The following ADGRB3 variants were observed in gnomAD, a reference collection of about 807,000 sequenced individuals.
ADGRB3 encodes the protein brain-specific angiogenesis inhibitor 3.
ADGRB3 carries 37 observed loss-of-function variants against 193.4 expected under a neutral mutation model. That is an observed-to-expected ratio of 0.19 (90% CI 0.15 to 0.25). ADGRB3 has a LOEUF of 0.25. ADGRB3 is among the 10% of genes least tolerant of loss of function. The probability of loss-of-function intolerance (pLI) is 1.00; values close to 1 mark genes in which losing one functional copy is unlikely to be tolerated. For missense variants in ADGRB3, 1,637 were observed against 1,852.9 expected (o/e 0.88, Z 2.14); for synonymous variants, 690 against 644.2 (o/e 1.07, Z -1.08).
At chr6:68,763,271 G>A (rs1323657476) in intron 3 of ADGRB3, among the ~76,000 whole-genome samples, 1 of 151,994 alleles carries the variant, frequency 6.6e-6, no homozygotes, top group Non-Finnish European at 1.5e-5. Flanking sequence ...TTATATTTTT[G>A]TAGAGATGAG....
At chr6:68,773,373 A>T (rs924040427) in intron 3 of ADGRB3, among the ~76,000 whole-genome samples, 17 of 152,108 alleles carry the variant, frequency 1.1e-4, no homozygotes, top group Admixed American at 9.2e-4. Context: ...AGTCCTAAAG[A>T]GCCCCAACTA....
In ADGRB3 at chr6:69,101,116, C is replaced by T. The variant is rs182664253; in HGVS notation, c.2480+25078C>T. 1.2e-3 allele frequency among the ~76,000 whole-genome samples: 185 copies of T among 151,954 alleles called. 1 individual carries two copies. Among genetic ancestry groups the T allele is most frequent in the Middle Eastern group, 6.8e-3 (2 of 294 alleles). ...CTACATTTTCCCCAGATTAAGAACA[C>T]TTAACCTTACCACTCTTTAGTGGTT... On this transcript the variant is annotated intron_variant, in intron 17 of 31. Coordinates refer to ENST00000370598, the MANE Select transcript of ADGRB3 (RefSeq NM_001704.3).
intron 3 of ADGRB3, among the ~76,000 whole-genome samples, chr6:68,693,647 C>T (rs1765113273): frequency 6.6e-6 from 1 of 151,890 alleles, no homozygotes; most frequent in Non-Finnish European, 1.5e-5. Flanking sequence ...TCTTGTATGT[C>T]CCTGTAATTC....
rs551045173 is a variant in ADGRB3, at chr6:69,014,415, A to G, written c.1998+309A>G. Among the ~76,000 whole-genome samples, 3 of 152,048 alleles carry G rather than the reference A, an allele frequency of 2.0e-5. No individual in the cohort carries two copies. In the East Asian group the frequency reaches 5.8e-4, roughly 30 times the overall value. ...AGACCATGGGAAAAACAGCACATCT[A>G]AAAGTACATATTTCAAATGAAAGTA... On this transcript the variant is annotated intron_variant, in intron 12 of 31. Coordinates refer to ENST00000370598, the MANE Select transcript of ADGRB3 (RefSeq NM_001704.3).
intron 3 of ADGRB3, among the ~76,000 whole-genome samples, chr6:68,666,399 TCCCATTTA>T: frequency 6.6e-6 from 1 of 152,004 alleles, no homozygotes; most frequent in Admixed American, 6.6e-5. Flanking sequence ...ATGTGACTGT[TCCCATTTA>T]GAAGAGAGTT....
rs1467914835 is a variant in ADGRB3 at position 68,742,804 on chromosome 6, A to G, written c.757+103372A>G. Among the ~76,000 whole-genome samples, 3 of 152,140 alleles carry G rather than the reference A, an allele frequency of 2.0e-5. No individual in the cohort carries two copies. The East Asian group carries it at 5.8e-4, about 29-fold the overall frequency. On this transcript the variant is annotated intron_variant, in intron 3 of 31. Coordinates refer to ENST00000370598, the MANE Select transcript of ADGRB3 (RefSeq NM_001704.3). Reference sequence around the variant, plus strand: ...ATTGTTTTTCCTCAAAAAGGAAAATAAACTAAATGGTGTGAACATTAAAAC... The same window carrying G: ...ATTGTTTTTCCTCAAAAAGGAAAATGAACTAAATGGTGTGAACATTAAAAC...
intron 3 of ADGRB3, among the ~76,000 whole-genome samples, chr6:68,754,754 C>T (rs1766267490): frequency 6.6e-6 from 1 of 150,506 alleles, no homozygotes; most frequent in Non-Finnish European, 1.5e-5. Context: ...AAAAAAACAG[C>T]ATTAGAAAGG....
At chr6:69,219,536 CAT>C (rs1292932220) in intron 17 of ADGRB3, among the ~76,000 whole-genome samples, 1 of 123,302 alleles carries the variant, frequency 8.1e-6, no homozygotes, top group Non-Finnish European at 1.8e-5. Context: ...TACATATATA[CAT>C]GTGTATATAT....
intron 10 of ADGRB3, among the ~76,000 whole-genome samples, chr6:68,983,218 T>C (rs1399490682): frequency 6.6e-6 from 1 of 151,910 alleles, no homozygotes; most frequent in Non-Finnish European, 1.5e-5. Flanking sequence ...AAATATACTT[T>C]TTTTCTATTT....
At chr6:69,041,537 C>T (rs1771071692) in intron 13 of ADGRB3, among the ~76,000 whole-genome samples, 1 of 152,036 alleles carries the variant, frequency 6.6e-6, no homozygotes, top group Non-Finnish European at 1.5e-5. Context: ...CCACACAGTG[C>T]AAAATCACAG....
chr6:69,218,003 T>C (rs1721466354), intron 17 of ADGRB3, among the ~76,000 whole-genome samples: 1 of 146,730 alleles, frequency 6.8e-6, no homozygotes, highest in South Asian at 2.1e-4. Flanking sequence ...TCTTGAGATA[T>C]ACATATTTTT....
intron 20 of ADGRB3, among the ~76,000 whole-genome samples, chr6:69,261,158 C>T (rs1202252099): frequency 6.6e-6 from 1 of 152,120 alleles, no homozygotes; most frequent in East Asian, 1.9e-4. Context: ...ATGGTAGCAG[C>T]AAGGCTAATC....
chr6:69,069,553 C>CCAAAAAAAAAAAAAAA, intron 16 of ADGRB3, among the ~76,000 whole-genome samples: 1 of 31,792 alleles, frequency 3.1e-5, no homozygotes, highest in Non-Finnish European at 4.9e-5. Context: ...ACTAAAAATA[C>CCAAAAAAAAAAAAAAA]AAAAAAAAAA....
chr6:68,893,038 C>T (rs1382973316), intron 3 of ADGRB3, among the ~76,000 whole-genome samples: 1 of 152,058 alleles, frequency 6.6e-6, no homozygotes, highest in African/African-American at 2.4e-5. Flanking sequence ...CTCTATGACC[C>T]TTGAAAACAT....
At chr6:69,225,389 G>C (rs1765987416) in intron 17 of ADGRB3, among the ~76,000 whole-genome samples, 2 of 152,002 alleles carry the variant, frequency 1.3e-5, no homozygotes, top group Admixed American at 1.3e-4. Flanking sequence ...TTAATTACTA[G>C]TTTTCTTTCA....
At position 68,781,325 on chromosome 6, in the gene ADGRB3, A is replaced by T. The variant is rs1360997103; in HGVS notation, c.757+141893A>T. ...ATTACAGGCATGGTGTCATTGGAAG[A>T]CCTTGTTATCTTTTAGCACATTGCT... On this transcript the variant is annotated intron_variant, in intron 3 of 31. Transcript: ENST00000370598. Among the ~76,000 whole-genome samples the T allele has an allele frequency of 2.0e-5, 3 of 152,138 alleles. No individual in the cohort carries two copies. In the East Asian group the frequency reaches 5.8e-4, roughly 29 times the overall value.
At position 69,068,908 on chromosome 6, in the gene ADGRB3, G is replaced by A. The variant is rs539972438; in HGVS notation, c.2436+5872G>A. On this transcript the variant is annotated intron_variant, in intron 16 of 31. Coordinates refer to ENST00000370598, the MANE Select transcript of ADGRB3 (RefSeq NM_001704.3). The stretch of plus-strand genomic sequence containing the variant: ...CATTTCTCACTTCAGTGGCCTTCAT[G>A]TAATTCTGCTTTAGCTAAAGCCAAT... Among the ~76,000 whole-genome samples the A allele has an allele frequency of 3.9e-5, 6 of 152,180 alleles. 1 individual carries two copies. The South Asian group carries it at 1.2e-3, about 32-fold the overall frequency.
chr6:68,680,470 G>A (rs1483540500), intron 3 of ADGRB3, among the ~76,000 whole-genome samples: 9 of 152,112 alleles, frequency 5.9e-5, no homozygotes, highest in Admixed American at 2.0e-4. Context: ...TATGCACTTT[G>A]GTAACGGCCT....
rs181846324 is a variant in ADGRB3 at position 68,766,783 on chromosome 6, A to G, written c.757+127351A>G. Among the ~76,000 whole-genome samples, 290 of 152,166 alleles carry G rather than the reference A, an allele frequency of 1.9e-3. 2 individuals carry two copies. Among genetic ancestry groups the G allele is most frequent in the Non-Finnish European group, 1.2e-3 (82 of 67,928 alleles). On this transcript the variant is annotated intron_variant, in intron 3 of 31. Transcript: ENST00000370598. Reference sequence around the variant, plus strand: ...TCAAAAGCTATAGCCATGAAAAATCATCTTTATAAAAAAGTTGCAGCTTAT... The same window carrying G: ...TCAAAAGCTATAGCCATGAAAAATCGTCTTTATAAAAAAGTTGCAGCTTAT...
Sources: allele counts gnomAD v4.1 joint callset (sites outside exome capture counted in the v4.1 genomes callset), GRCh38; gene constraint gnomAD v4.1.1; transcripts MANE v1.5; gene names NCBI Gene and HGNC (gene_info 2026-07-23, HGNC 2026-07-21).